NUTM2E: variants seen among roughly 807,000 people sequenced by gnomAD.
NUTM2E encodes the protein family with sequence similarity 22, member E.
A neutral mutation model predicts 26.1 loss-of-function variants in NUTM2E; 3 were observed. That is an observed-to-expected ratio of 0.12 (90% CI 0.05 to 0.30). NUTM2E has a LOEUF of 0.30. NUTM2E is among the 10% of genes least tolerant of loss of function. The pLI is 1.00. For missense variants in NUTM2E, 62 were observed against 381.3 expected, an observed-to-expected ratio of 0.16 and a Z score of 6.97; for synonymous variants, 13 against 157.5, an observed-to-expected ratio of 0.08 and a Z score of 6.87.
At chr10:79,833,842 C>T (rs1841943848) in intron 1 of NUTM2E, among the ~76,000 whole-genome samples, 1 of 151,530 alleles carries the variant, frequency 6.6e-6, no homozygotes, top group Non-Finnish European at 1.5e-5. Flanking sequence ...ACCATTTGAC[C>T]CAGTAATCCC....
Position 79,828,948 on chromosome 10 carries a change from A to G in NUTM2E, c.-2728+1591A>G, listed in dbSNP as rs541998218. Reference sequence around the variant, plus strand: ...GTGATGAACAGCTAAAGAGCATTTAAATAATTATCATTAATATGGATAAAT... The same window carrying G: ...GTGATGAACAGCTAAAGAGCATTTAGATAATTATCATTAATATGGATAAAT... On this transcript the variant is annotated intron_variant, in intron 1 of 9. Transcript: ENST00000429984. 2.0e-5 allele frequency among the ~76,000 whole-genome samples: 3 copies of G among 151,926 alleles called. No homozygotes were observed. In the East Asian group the frequency reaches 5.8e-4, roughly 29 times the overall value.
chr10:79,829,414 C>T (rs1376469562), intron 1 of NUTM2E, among the ~76,000 whole-genome samples: 2 of 151,644 alleles, frequency 1.3e-5, no homozygotes, highest in African/African-American at 4.8e-5. Flanking sequence ...TTATTATAAC[C>T]ACTATACAAA....
chr10:79,836,357 C>T (rs2758477), intron 1 of NUTM2E, among the ~76,000 whole-genome samples: 1 of 151,834 alleles, frequency 6.6e-6, no homozygotes, highest in East Asian at 1.9e-4. Context: ...AATTCATTTA[C>T]AAATACTATT....
At chr10:79,834,183 A>C (rs1429515752) in intron 1 of NUTM2E, among the ~76,000 whole-genome samples, 1 of 151,342 alleles carries the variant, frequency 6.6e-6, no homozygotes, top group Non-Finnish European at 1.5e-5. Context: ...ACATGGAGGG[A>C]AACATCACAC....
In NUTM2E at chr10:79,849,281, G is replaced by A. The variant is rs1842039553; in HGVS notation, c.1735-90G>A. ...AGCCCCAGGAGGGTGGGGACGGGGC[G>A]CTCGCTGCTTTCTGCATCTCCTCCA... On this transcript the variant is annotated intron_variant, in intron 8 of 9. Coordinates refer to ENST00000429984, the MANE Select transcript of NUTM2E (RefSeq NM_001355263.2). The A allele has an allele frequency of 7.6e-5, 28 of 367,520 alleles. 7 individuals are homozygous for A. Among genetic ancestry groups the A allele is most frequent in the Admixed American group, 5.5e-4 (11 of 19,912 alleles). The allele number at this position is 367,520 out of a possible 1,614,324, so 22.8% of individuals were successfully genotyped here.
intron 1 of NUTM2E, among the ~76,000 whole-genome samples, chr10:79,834,845 AACAC>A (rs1047905907): frequency 9.1e-5 from 13 of 143,212 alleles, no homozygotes; most frequent in Non-Finnish European, 1.7e-4. Context: ...CACACACACA[AACAC>A]ACAAACTAAA....
Position 79,826,887 on chromosome 10 carries a change from C to G in NUTM2E, c.-3198C>G, listed in dbSNP as rs2132409290. 1 of 151,432 alleles carries G rather than the reference C, an allele frequency of 6.6e-6. No individual in the cohort carries two copies. The highest frequency in any genetic ancestry group is 6.6e-5 in the Admixed American group (1 of 15,176). The allele number at this position is 151,432 out of a possible 1,614,324, so 9.4% of individuals were successfully genotyped here. A position where few individuals can be genotyped will look rare whatever the true frequency, so the allele number is the denominator to read the frequency against. ...GTCCCGGACGGGCCCGCGGCATCGTCCGCGACGCAGCTCGGGATCCGGGTC... is the reference window on the plus strand; with the variant it reads ...GTCCCGGACGGGCCCGCGGCATCGTGCGCGACGCAGCTCGGGATCCGGGTC... On this transcript the variant is annotated 5_prime_UTR_variant, in exon 1 of 10. Transcript: ENST00000429984.
At chr10:79,838,646 T>C (rs1589308421) in intron 2 of NUTM2E, among the ~76,000 whole-genome samples, 60 bp downstream of exon 2, 1 of 151,248 alleles carries the variant, frequency 6.6e-6, no homozygotes, top group Non-Finnish European at 1.5e-5. Flanking sequence ...AGGAAAGCTA[T>C]GAACGCTTCC....
In NUTM2E at chr10:79,826,849, G is replaced by T. The variant is rs985225631; in HGVS notation, c.-3236G>T. 1.3e-5 allele frequency: 2 copies of T among 151,584 alleles called. No individual in the cohort carries two copies. The highest frequency in any genetic ancestry group is 2.9e-5 in the Non-Finnish European group (2 of 67,846). The allele number at this position is 151,584 out of a possible 1,614,324, so 9.4% of individuals were successfully genotyped here. ...CCGCCCCGGAGCGATCGCAGAGCCCGTCGGGAGTCGTAGTCCCGGACGGGC... is the reference window on the plus strand; with the variant it reads ...CCGCCCCGGAGCGATCGCAGAGCCCTTCGGGAGTCGTAGTCCCGGACGGGC... On this transcript the variant is annotated 5_prime_UTR_variant, in exon 1 of 10. Coordinates refer to ENST00000429984, the MANE Select transcript of NUTM2E (RefSeq NM_001355263.2).
At chr10:79,836,301 G>C (rs1287968996) in intron 1 of NUTM2E, among the ~76,000 whole-genome samples, 1 of 151,706 alleles carries the variant, frequency 6.6e-6, no homozygotes, top group East Asian at 1.9e-4. Context: ...AACAAAATAA[G>C]ACAAACTTAT....
At position 79,833,168 on chromosome 10, in the gene NUTM2E, T is replaced by C. The variant is rs1841937586; in HGVS notation, c.-2727-5141T>C. 2.6e-5 allele frequency among the ~76,000 whole-genome samples: 4 copies of C among 152,020 alleles called. No homozygotes were observed. The South Asian group carries it at 6.3e-4, about 24-fold the overall frequency. ...TTTAGAGTAAGAATGCCCACATGTATTACAGTCCCCAAAAAGCAATTAAGC... is the reference window on the plus strand; with the variant it reads ...TTTAGAGTAAGAATGCCCACATGTACTACAGTCCCCAAAAAGCAATTAAGC... On this transcript the variant is annotated intron_variant, in intron 1 of 9. Transcript: ENST00000429984.
rs412412 is a variant in NUTM2E, at chr10:79,838,950, A to C, written c.-2279A>C. Among the ~76,000 whole-genome samples, 76 of 144,150 alleles carry C rather than the reference A, an allele frequency of 5.3e-4. 1 individual carries two copies. The highest frequency in any genetic ancestry group is 3.8e-3 in the Middle Eastern group (1 of 266). The allele number at this position is 144,150 out of a possible 152,430, so 94.6% of individuals were successfully genotyped here. A position where few individuals can be genotyped will look rare whatever the true frequency, so the allele number is the denominator to read the frequency against. ...CCTCAAGGCTCCTGCGGCGGCGCAC[A>C]GGGCAGGCCAGGAGCCCGCCCTAGG... On this transcript the variant is annotated 5_prime_UTR_variant, in exon 3 of 10. Coordinates refer to ENST00000429984, the MANE Select transcript of NUTM2E (RefSeq NM_001355263.2).
In NUTM2E at chr10:79,838,947, C is replaced by G. The variant is rs1277105806; in HGVS notation, c.-2282C>G. 6.7e-6 allele frequency among the ~76,000 whole-genome samples: 1 copy of G among 148,476 alleles called. No homozygotes were observed. Among genetic ancestry groups the G allele is most frequent in the African/African-American group, 2.5e-5 (1 of 40,104 alleles). On this transcript the variant is annotated 5_prime_UTR_variant, in exon 3 of 10. Coordinates refer to ENST00000429984, the MANE Select transcript of NUTM2E (RefSeq NM_001355263.2). ...CCGCCTCAAGGCTCCTGCGGCGGCGCACAGGGCAGGCCAGGAGCCCGCCCT... is the reference window on the plus strand; with the variant it reads ...CCGCCTCAAGGCTCCTGCGGCGGCGGACAGGGCAGGCCAGGAGCCCGCCCT...
chr10:79,835,380 C>G (rs891635327), intron 1 of NUTM2E, among the ~76,000 whole-genome samples: 1 of 148,116 alleles, frequency 6.8e-6, no homozygotes, highest in Non-Finnish European at 1.5e-5. Context: ...AATTAATTGC[C>G]GTGGATTAGG....
intron 5 of NUTM2E, among the ~76,000 whole-genome samples, chr10:79,845,085 C>T (rs373060318): frequency 0.027 from 3,066 of 113,042 alleles, 13 homozygotes; most frequent in East Asian, 0.2. Flanking sequence ...GTCACTGTCC[C>T]GTGAGTCCAG....
rs1348518561 is a variant in NUTM2E at position 79,838,887 on chromosome 10, G to A, written c.-2342G>A. Reference sequence around the variant, plus strand: ...AACCGCCGCAACTGGCGCTGGGAGCGGTTGAGGGCGGCCGGCCTCGCGCTG... The same window carrying A: ...AACCGCCGCAACTGGCGCTGGGAGCAGTTGAGGGCGGCCGGCCTCGCGCTG... On this transcript the variant is annotated 5_prime_UTR_variant, in exon 3 of 10. Transcript: ENST00000429984. 4.0e-5 allele frequency among the ~76,000 whole-genome samples: 6 copies of A among 149,728 alleles called. No individual in the cohort carries two copies. The highest frequency in any genetic ancestry group is 2.0e-4 in the East Asian group (1 of 5,008).
At chr10:79,832,915 AGTT>A (rs1248668190) in intron 1 of NUTM2E, among the ~76,000 whole-genome samples, 14 of 151,784 alleles carry the variant, frequency 9.2e-5, no homozygotes, top group South Asian at 2.1e-4. Flanking sequence ...CTATAGGTAT[AGTT>A]GTGTGTGAAT....
chr10:79,827,562 C>A, intron 1 of NUTM2E: 1 of 132,110 alleles, frequency 7.6e-6, no homozygotes, highest in African/African-American at 2.9e-5. Flanking sequence ...CAGCCCCATG[C>A]TCACAAAAAA....
At chr10:79,831,596 G>C (rs1007000084) in intron 1 of NUTM2E, among the ~76,000 whole-genome samples, 11 of 151,868 alleles carry the variant, frequency 7.2e-5, no homozygotes, top group African/African-American at 9.7e-5. Context: ...TTCTCGTAAA[G>C]GGGAAAAGAA....
Sources: gnomAD v4.1 joint callset for allele counts (sites outside exome capture counted in the v4.1 genomes callset) on GRCh38, gnomAD v4.1.1 for gene constraint, MANE v1.5 for transcripts, NCBI Gene and HGNC (gene_info 2026-07-23, HGNC 2026-07-21) for gene names.